Variants in DIAPH2 observed in about 807,000 individuals in gnomAD.
DIAPH2 encodes the protein diaphanous related formin 2, also known as protein diaphanous homolog 2.
DIAPH2 carries 35 observed loss-of-function variants against 92.7 expected under a neutral mutation model. That is an observed-to-expected ratio of 0.38 (90% confidence interval 0.29 to 0.50). DIAPH2 has a LOEUF of 0.50. DIAPH2 is among the 20% of genes least tolerant of loss of function. The pLI is 0.94. For missense variants in DIAPH2, 701 were observed against 819.5 expected (o/e 0.86, Z 1.77); for synonymous variants, 301 against 280.4 (o/e 1.07, Z -0.73).
intron 4 of DIAPH2, among the ~76,000 whole-genome samples, chrX:96,813,280 CTTCT>C (rs1471879750): frequency 1.9e-5 from 2 of 107,605 alleles, no homozygotes; most frequent in Non-Finnish European, 3.9e-5. Flanking sequence ...ATATAATGGC[CTTCT>C]TTGTCTCTTT....
At chrX:97,215,781 C>G (rs1263249491) in intron 22 of DIAPH2, among the ~76,000 whole-genome samples, 1 of 111,705 alleles carries the variant, frequency 9.0e-6, no homozygotes, top group Non-Finnish European at 1.9e-5. Flanking sequence ...TATATAGACA[C>G]CAATGGAAAT....
chrX:96,884,118 C>A (rs2065239560), intron 5 of DIAPH2: 3 of 415,072 alleles, frequency 7.2e-6, no homozygotes, highest in Non-Finnish European at 1.3e-5. Context: ...CAGATGCATT[C>A]TGGTAGTTGA....
At chrX:97,084,354 C>T (rs1009822759) in intron 19 of DIAPH2, among the ~76,000 whole-genome samples, 7 of 111,680 alleles carry the variant, frequency 6.3e-5, no homozygotes, top group Admixed American at 9.5e-5. Flanking sequence ...ACATGATAGG[C>T]GCACAAAGAA....
At chrX:97,596,574 A>G (rs2071553101) in intron 26 of DIAPH2, among the ~76,000 whole-genome samples, 1 of 111,919 alleles carries the variant, frequency 8.9e-6, no homozygotes, top group Non-Finnish European at 1.9e-5. Flanking sequence ...CTCTCAGATC[A>G]TATCACATGA....
intron 26 of DIAPH2, among the ~76,000 whole-genome samples, chrX:97,547,425 A>G (rs781270554): frequency 8.9e-6 from 1 of 112,202 alleles, no homozygotes; most frequent in South Asian, 3.7e-4. Flanking sequence ...GAGTATAACA[A>G]GAAATGGTAA....
At chrX:97,253,464 T>C (rs1266349897) in intron 23 of DIAPH2, among the ~76,000 whole-genome samples, 1 of 110,066 alleles carries the variant, frequency 9.1e-6, no homozygotes, top group Non-Finnish European at 1.9e-5. Context: ...AATAAAGTAG[T>C]AGGCCGGGCA....
intron 24 of DIAPH2, among the ~76,000 whole-genome samples, chrX:97,356,193 A>C (rs918638492): frequency 4.5e-5 from 5 of 111,445 alleles, no homozygotes; most frequent in Admixed American, 9.6e-5. Flanking sequence ...GAGACTAAAA[A>C]CTGTTTCAAC....
chrX:97,188,249 T>C (rs915089847), intron 22 of DIAPH2, among the ~76,000 whole-genome samples: 1 of 111,788 alleles, frequency 8.9e-6, no homozygotes, highest in Admixed American at 9.6e-5. Flanking sequence ...ATTTTTAGAA[T>C]ACTAGGGAGT....
At chrX:97,151,071 T>A (rs1337364167) in intron 22 of DIAPH2, among the ~76,000 whole-genome samples, 2 of 111,748 alleles carry the variant, frequency 1.8e-5, no homozygotes, top group African/African-American at 6.5e-5. Flanking sequence ...GCAAAAGTAG[T>A]CTATGATTTT....
chrX:97,575,581 T>C (rs1169922264), intron 26 of DIAPH2, among the ~76,000 whole-genome samples: 1 of 111,998 alleles, frequency 8.9e-6, no homozygotes, highest in Non-Finnish European at 1.9e-5. Context: ...ATAAGATGGC[T>C]CTAATCATCA....
chrX:97,476,995 A>C (rs1282040432), intron 26 of DIAPH2, among the ~76,000 whole-genome samples: 1 of 88,502 alleles, frequency 1.1e-5, no homozygotes. Flanking sequence ...ACACACACAC[A>C]CACACACACA....
At chrX:97,012,988 C>G (rs1602715209) in intron 17 of DIAPH2, among the ~76,000 whole-genome samples, 1 of 112,352 alleles carries the variant, frequency 8.9e-6, no homozygotes, top group East Asian at 2.8e-4. Flanking sequence ...ACCTCTCAAA[C>G]TAACTGGAAG....
intron 24 of DIAPH2, among the ~76,000 whole-genome samples, chrX:97,360,906 G>A (rs958654717): frequency 1.5e-4 from 17 of 110,643 alleles, no homozygotes; most frequent in Non-Finnish European, 3.2e-4. Flanking sequence ...GTCTCCTTCT[G>A]TTGCCCAGGC....
intron 23 of DIAPH2, among the ~76,000 whole-genome samples, chrX:97,296,751 A>G (rs1315201330): frequency 9.2e-6 from 1 of 109,212 alleles, no homozygotes; most frequent in African/African-American, 3.3e-5. Context: ...CTGGCCAGCT[A>G]TAGTTATAGG....
chrX:96,719,093 A>T (rs138013593), intron 1 of DIAPH2, among the ~76,000 whole-genome samples: 2,164 of 102,687 alleles, frequency 0.021, 20 homozygotes, highest in Middle Eastern at 0.082. Context: ...AGAAAAGTCT[A>T]TTCAGATCTT....
intron 26 of DIAPH2, among the ~76,000 whole-genome samples, chrX:97,497,969 G>A (rs1222564247): frequency 9.0e-6 from 1 of 111,096 alleles, no homozygotes; most frequent in Non-Finnish European, 1.9e-5. Context: ...AAGAAAATAT[G>A]AGGAAGAAAT....
At chrX:96,882,972 AAAAAAAAAAAAC>A (rs1276002540) in intron 5 of DIAPH2, among the ~76,000 whole-genome samples, 5 of 54,376 alleles carry the variant, frequency 9.2e-5, no homozygotes, top group Non-Finnish European at 2.8e-4. Context: ...AAAAAAAAAA[AAAAAAAAAAAAC>A]AAAAAAACAA....
At chrX:97,222,457 G>T (rs1342622697) in intron 22 of DIAPH2, among the ~76,000 whole-genome samples, 2 of 111,783 alleles carry the variant, frequency 1.8e-5, no homozygotes, top group East Asian at 5.7e-4. Flanking sequence ...ACCCTCCTTG[G>T]CCTCCCAAAG....
At chrX:97,261,497 C>T (rs913878859) in intron 23 of DIAPH2, among the ~76,000 whole-genome samples, 9 of 111,461 alleles carry the variant, frequency 8.1e-5, no homozygotes, top group Admixed American at 3.8e-4. Context: ...TTAATGTTAT[C>T]GGGAATAAGG....
Sources: allele counts gnomAD v4.1 joint callset (sites outside exome capture counted in the v4.1 genomes callset), GRCh38; gene constraint gnomAD v4.1.1; transcripts MANE v1.5; gene names NCBI Gene and HGNC (gene_info 2026-07-23, HGNC 2026-07-21).